The following ADORA1 variants were observed in gnomAD, a reference collection of about 807,000 sequenced individuals.
ADORA1 encodes the protein adenosine receptor A1.
In ADORA1, 6 loss-of-function variants were observed where a neutral mutation model predicts 19.9. The observed-to-expected ratio is 0.30, with a 90% CI of 0.17 to 0.59. ADORA1 has a LOEUF of 0.59. Among genes scored for constraint, ADORA1 ranks in the 20% least tolerant of loss-of-function variants. ADORA1 has a pLI of 0.87. For synonymous variants in ADORA1, 194 were observed against 188.4 expected (o/e 1.03, Z -0.24); for missense variants, 302 against 439.2 (o/e 0.69, Z 2.79).
At chr1:203,146,712 A>C (rs943822816) in intron 3 of ADORA1, among the ~76,000 whole-genome samples, 3 of 151,908 alleles carry the variant, frequency 2.0e-5, no homozygotes, top group African/African-American at 7.3e-5. Flanking sequence ...AAGAGGTCTG[A>C]GATTTCTGAG....
chr1:203,137,709 A>C (rs1654554705), intron 3 of ADORA1, among the ~76,000 whole-genome samples: 1 of 152,192 alleles, frequency 6.6e-6, no homozygotes, highest in Non-Finnish European at 1.5e-5. Flanking sequence ...CATAAACCTC[A>C]AGTACTCAGC....
intron 3 of ADORA1, among the ~76,000 whole-genome samples, chr1:203,148,105 G>C (rs1169018578): frequency 1.3e-5 from 2 of 152,182 alleles, no homozygotes; most frequent in African/African-American, 2.4e-5. Context: ...TGTAGTCCCA[G>C]CTACTCGGGA....
chr1:203,138,154 A>G (rs575372400), intron 3 of ADORA1, among the ~76,000 whole-genome samples: 1 of 152,310 alleles, frequency 6.6e-6, no homozygotes, highest in African/African-American at 2.4e-5. Context: ...ACTTCTAAGC[A>G]ACTGGGAGGA....
At position 203,153,360 on chromosome 1, in the gene ADORA1, T is replaced by C. The variant is rs191384236; in HGVS notation, c.342-11901T>C. On this transcript the variant is annotated intron_variant, in intron 3 of 3. Transcript: ENST00000337894. ...GGCCTTGAATCCGAAGGACAGACAG[T>C]TGGGGAGGTTGCCAGAATAGAGGGT... 1.8e-4 allele frequency among the ~76,000 whole-genome samples: 27 copies of C among 152,286 alleles called. 1 individual carries two copies. In the East Asian group the frequency reaches 4.4e-3, roughly 25 times the overall value.
intron 3 of ADORA1, among the ~76,000 whole-genome samples, chr1:203,136,227 G>T (rs3766566): frequency 1.3e-5 from 2 of 152,022 alleles, no homozygotes; most frequent in Non-Finnish European, 2.9e-5. Flanking sequence ...GCAGGTGGTC[G>T]TGGGGATAAG....
At chr1:203,158,515 A>G (rs1175615469) in intron 3 of ADORA1, among the ~76,000 whole-genome samples, 1 of 152,192 alleles carries the variant, frequency 6.6e-6, no homozygotes, top group Non-Finnish European at 1.5e-5. Context: ...TTTCACCAGA[A>G]TTACCCTTAA....
At position 203,165,834 on chromosome 1, in the gene ADORA1, C is replaced by T; in HGVS notation, c.915C>T (p.Asp305=). 1 of 1,604,330 alleles carries T rather than the reference C, an allele frequency of 6.2e-7. No individual in the cohort carries two copies. Among genetic ancestry groups the T allele is most frequent in the Non-Finnish European group, 8.5e-7 (1 of 1,174,508 alleles). ...TCACCTTCCTTAAGATTTGGAATGA[C>T]CATTTCCGCTGCCAGCCTGCACCTC... ...FRVTFLKIWN[D]HFRCQPAPPI... The change falls in exon 4 of 4, where the codon GAC becomes GAT. Residue 305 remains aspartate, a synonymous_variant. Transcript: ENST00000337894. This position sits in a 1 kb window ranked among gnomAD's most constrained non-coding sequence, Gnocchi z 5.9.
At chr1:203,149,156 G>C (rs906774766) in intron 3 of ADORA1, among the ~76,000 whole-genome samples, 5 of 152,120 alleles carry the variant, frequency 3.3e-5, no homozygotes, top group African/African-American at 1.2e-4. Flanking sequence ...GAGATTACAG[G>C]CGTGAGCTAC....
At chr1:203,150,903 G>A in intron 3 of ADORA1, 1 of 929,622 alleles carries the variant, frequency 1.1e-6, no homozygotes, top group Non-Finnish European at 1.4e-6. Context: ...AGTGACAGCA[G>A]CTGCCTCCTC....
chr1:203,147,464 C>G (rs1279637291), intron 3 of ADORA1, among the ~76,000 whole-genome samples: 4 of 152,170 alleles, frequency 2.6e-5, no homozygotes, highest in Non-Finnish European at 4.4e-5. Context: ...CTCAATCACT[C>G]TCTTCCCCAA....
chr1:203,155,016 T>TTTATTA (rs4020534), intron 3 of ADORA1, among the ~76,000 whole-genome samples: 6,596 of 142,278 alleles, frequency 0.046, 230 homozygotes, highest in East Asian at 0.12. Flanking sequence ...GCTCTTCCTA[T>TTTATTA]TTATTATTAT....
At chr1:203,164,734 A>G (rs1106162) in intron 3 of ADORA1, among the ~76,000 whole-genome samples, 69,255 of 152,040 alleles carry the variant, frequency 0.46, 16,507 homozygotes, top group African/African-American at 0.6. Context: ...ATGGTTTGTT[A>G]ATCACTTGGG....
intron 3 of ADORA1, chr1:203,145,087 A>C (rs1238045934): frequency 6.6e-6 from 1 of 152,264 alleles, no homozygotes; most frequent in Non-Finnish European, 1.5e-5. Context: ...GGAAGAAAAA[A>C]TGTTCAAAGG....
chr1:203,137,149 G>A (rs998676843), intron 3 of ADORA1, among the ~76,000 whole-genome samples: 2 of 152,172 alleles, frequency 1.3e-5, no homozygotes, highest in African/African-American at 4.8e-5. Flanking sequence ...TGGTCCGTGA[G>A]GCTTTACTGA....
At chr1:203,157,509 C>G (rs1337915646) in intron 3 of ADORA1, among the ~76,000 whole-genome samples, 1 of 152,238 alleles carries the variant, frequency 6.6e-6, no homozygotes, top group Non-Finnish European at 1.5e-5. Context: ...ACTGGAGTTG[C>G]ATGCTGGTGG....
At chr1:203,158,221 G>A (rs1296888542) in intron 3 of ADORA1, among the ~76,000 whole-genome samples, 2 of 152,188 alleles carry the variant, frequency 1.3e-5, no homozygotes, top group Non-Finnish European at 2.9e-5. Context: ...CACCTTGAAT[G>A]TTTTGTTGTT....
chr1:203,149,398 T>C (rs1199406896), intron 3 of ADORA1, among the ~76,000 whole-genome samples: 1 of 152,238 alleles, frequency 6.6e-6, no homozygotes, highest in Non-Finnish European at 1.5e-5. Flanking sequence ...AGAAGCTGCC[T>C]GGCAGGCTCC....
rs141236846 is a variant in ADORA1 at position 203,139,064 on chromosome 1, C to T, written c.341+9882C>T. On this transcript the variant is annotated intron_variant, in intron 3 of 3. Transcript: ENST00000337894. ...AAACTCCTGACCTCCAGTGATCTGC[C>T]CGCCTCGGCCTCCCAAACTGCTGGG... 2.6e-5 allele frequency among the ~76,000 whole-genome samples: 4 copies of T among 152,320 alleles called. No homozygotes were observed. In the East Asian group the frequency reaches 7.7e-4, roughly 29 times the overall value.
Position 203,128,255 on chromosome 1 carries a change from C to G in ADORA1, c.-212-23C>G, listed in dbSNP as rs201244332. ...AAAGCGTCCGGGGCTGAGTCTCTGC[C>G]GTACCATGTGATTGCTTGAAAGGCC... On this transcript the variant is annotated intron_variant, in intron 1 of 3. Coordinates refer to ENST00000337894, the MANE Select transcript of ADORA1 (RefSeq NM_000674.3). The surrounding 1 kb of genome is among the most constrained non-coding windows in gnomAD (Gnocchi z 5.9). 8.9e-5 allele frequency: 104 copies of G among 1,174,794 alleles called. No individual in the cohort carries two copies. The highest frequency in any genetic ancestry group is 1.1e-4 in the Non-Finnish European group (97 of 894,748). 72.8% of individuals were successfully genotyped at this position (1,174,794 alleles called of 1,614,324 possible). A position where few individuals can be genotyped will look rare whatever the true frequency, so the allele number is the denominator to read the frequency against.
Sources: allele counts gnomAD v4.1 joint callset (sites outside exome capture counted in the v4.1 genomes callset), GRCh38; gene constraint gnomAD v4.1.1; non-coding constraint Gnocchi (gnomAD v3.1); transcripts MANE v1.5; gene names NCBI Gene and HGNC (gene_info 2026-07-23, HGNC 2026-07-21).